Variants in PLCL2 observed in about 807,000 individuals in gnomAD.
PLCL2 encodes inactive phospholipase C-like protein 2.
In PLCL2, 4 loss-of-function variants were observed where a neutral mutation model predicts 79.6. The observed-to-expected ratio is 0.05, with a 90% CI of 0.02 to 0.11. The LOEUF is 0.11. Ranked by LOEUF, PLCL2 falls within the 10% of genes least tolerant of loss-of-function variation. The pLI is 1.00. For missense variants in PLCL2, 895 were observed against 1,291.0 expected, an observed-to-expected ratio of 0.69 and a Z score of 4.70; for synonymous variants, 484 against 457.7, an observed-to-expected ratio of 1.06 and a Z score of -0.73.
At position 16,955,841 on chromosome 3, in the gene PLCL2, G is replaced by C. The variant is rs980712929; in HGVS notation, c.328-53833G>C. On this transcript the variant is annotated intron_variant, in intron 1 of 5. Coordinates refer to ENST00000615277, the MANE Select transcript of PLCL2 (RefSeq NM_001144382.2). ...TTGGCTCTCTGTTTGTCTGTTATTG[G>C]TGTATAAGAATGCTTGTGATTTTTG... 6.1e-3 allele frequency among the ~76,000 whole-genome samples: 922 copies of C among 152,232 alleles called. 9 individuals carry two copies. The highest frequency in any genetic ancestry group is 0.022 in the African/African-American group (902 of 41,514).
At chr3:17,034,916 C>A (rs1303359838) in intron 3 of PLCL2, among the ~76,000 whole-genome samples, 1 of 152,196 alleles carries the variant, frequency 6.6e-6, no homozygotes, top group African/African-American at 2.4e-5. Flanking sequence ...ACTCTCCCAG[C>A]ACCTCTCTCT....
intron 1 of PLCL2, among the ~76,000 whole-genome samples, chr3:16,940,796 TA>T (rs1246452087): frequency 6.6e-6 from 1 of 152,228 alleles, no homozygotes; most frequent in African/African-American, 2.4e-5. Flanking sequence ...TCTTTTATTA[TA>T]AAGATCAAAT....
intron 5 of PLCL2, among the ~76,000 whole-genome samples, chr3:17,084,525 C>G (rs886557686): frequency 4.6e-5 from 7 of 152,032 alleles, no homozygotes; most frequent in African/African-American, 1.7e-4. Flanking sequence ...TGCAAAAATC[C>G]TTAACAAAAT....
At chr3:17,078,446 A>C (rs1178874435) in intron 5 of PLCL2, among the ~76,000 whole-genome samples, 1 of 143,266 alleles carries the variant, frequency 7.0e-6, no homozygotes, top group Admixed American at 7.1e-5. Context: ...GGTGGCTGGG[A>C]TGGCTGGGCT....
intron 1 of PLCL2, among the ~76,000 whole-genome samples, chr3:16,977,112 A>ACG (rs2063934518): frequency 6.6e-6 from 1 of 151,406 alleles, no homozygotes; most frequent in South Asian, 2.1e-4. Context: ...GCCATTGAAT[A>ACG]CGCACACACA....
At chr3:16,932,065 C>T (rs1010725488) in intron 1 of PLCL2, among the ~76,000 whole-genome samples, 2 of 152,136 alleles carry the variant, frequency 1.3e-5, no homozygotes, top group African/African-American at 4.8e-5. Context: ...CACACTGGCA[C>T]CCTGATCTCA....
At chr3:17,085,525 A>G (rs1005891164) in intron 5 of PLCL2, among the ~76,000 whole-genome samples, 1 of 150,540 alleles carries the variant, frequency 6.6e-6, no homozygotes, top group African/African-American at 2.5e-5. Flanking sequence ...ATCTCGGCTC[A>G]CTGCAAGCTC....
At chr3:17,007,054 A>C (rs888212447) in intron 1 of PLCL2, among the ~76,000 whole-genome samples, 1 of 152,222 alleles carries the variant, frequency 6.6e-6, no homozygotes, top group African/African-American at 2.4e-5. Context: ...ATATTTTTGT[A>C]ATTGTTCTAC....
chr3:17,088,990 C>T (rs1037340983), intron 5 of PLCL2, among the ~76,000 whole-genome samples: 1 of 152,228 alleles, frequency 6.6e-6, no homozygotes, highest in Non-Finnish European at 1.5e-5. Context: ...TTGCTTCACT[C>T]TTTCTTTCAG....
intron 1 of PLCL2, among the ~76,000 whole-genome samples, chr3:16,990,230 TAAC>T (rs1375870094): frequency 6.6e-6 from 1 of 152,208 alleles, no homozygotes; most frequent in Non-Finnish European, 1.5e-5. Context: ...TCTTGTTTAA[TAAC>T]AACAACCCTA....
intron 1 of PLCL2, among the ~76,000 whole-genome samples, chr3:16,920,247 T>C (rs1314105173): frequency 6.6e-6 from 1 of 152,164 alleles, no homozygotes; most frequent in Non-Finnish European, 1.5e-5. Context: ...ACAGCCTCTT[T>C]AGAAGGCAAC....
intron 1 of PLCL2, among the ~76,000 whole-genome samples, chr3:16,993,446 G>A (rs1044012287): frequency 4.6e-5 from 7 of 152,142 alleles, no homozygotes; most frequent in Non-Finnish European, 7.4e-5. Context: ...TCCTCTCTAA[G>A]TAGCTTGAAC....
chr3:16,986,302 G>C (rs898423394), intron 1 of PLCL2, among the ~76,000 whole-genome samples: 1 of 152,036 alleles, frequency 6.6e-6, no homozygotes, highest in Non-Finnish European at 1.5e-5. Context: ...CCTAGTGCTG[G>C]GCCTGGCACA....
intron 5 of PLCL2, among the ~76,000 whole-genome samples, chr3:17,074,294 A>G (rs1559540593): frequency 6.6e-6 from 1 of 152,220 alleles, no homozygotes; most frequent in Non-Finnish European, 1.5e-5. Flanking sequence ...ATGCAGTAAT[A>G]TTGTGAAAGG....
At chr3:16,974,738 TTCTGTGCCA>T (rs1253949791) in intron 1 of PLCL2, among the ~76,000 whole-genome samples, 1 of 152,222 alleles carries the variant, frequency 6.6e-6, no homozygotes, top group Non-Finnish European at 1.5e-5. Context: ...ATGATTATCT[TTCTGTGCCA>T]TCTGTCATTT....
intron 1 of PLCL2, among the ~76,000 whole-genome samples, chr3:16,936,902 C>G (rs1369865688): frequency 5.3e-5 from 8 of 152,034 alleles, no homozygotes; most frequent in South Asian, 2.1e-4. Context: ...TCAATCTTAT[C>G]TTTATAGTCC....
chr3:17,039,878 C>A (rs1368435106), intron 3 of PLCL2, among the ~76,000 whole-genome samples: 3 of 152,182 alleles, frequency 2.0e-5, no homozygotes, highest in Non-Finnish European at 4.4e-5. Flanking sequence ...CTGTCATTAT[C>A]AGCAGAGGAA....
intron 1 of PLCL2, among the ~76,000 whole-genome samples, chr3:16,948,493 G>A (rs1253478774): frequency 6.6e-6 from 1 of 152,156 alleles, no homozygotes; most frequent in Non-Finnish European, 1.5e-5. Flanking sequence ...TCATTGAATT[G>A]TACACTTTAA....
intron 5 of PLCL2, among the ~76,000 whole-genome samples, chr3:17,069,523 G>T (rs1220685653): frequency 6.6e-6 from 1 of 152,086 alleles, no homozygotes; most frequent in Non-Finnish European, 1.5e-5. Flanking sequence ...TGTGGTGGGG[G>T]TGGTCAGAGA....
Sources: gnomAD v4.1 joint callset for allele counts (sites outside exome capture counted in the v4.1 genomes callset) on GRCh38, gnomAD v4.1.1 for gene constraint, MANE v1.5 for transcripts, NCBI Gene and HGNC (gene_info 2026-07-23, HGNC 2026-07-21) for gene names.